ANXA11: variants seen among roughly 807,000 people sequenced by gnomAD.
ANXA11 encodes the protein annexin A11.
ANXA11 carries 57 observed loss-of-function variants against 64.7 expected under a neutral mutation model. That is an observed-to-expected ratio of 0.88 (90% CI 0.71 to 1.10). ANXA11 has a LOEUF of 1.10. ANXA11 is among the 50% of genes least tolerant of loss of function. The pLI is 0.00. For missense variants in ANXA11, 675 were observed against 670.7 expected (o/e 1.01, Z -0.07); for synonymous variants, 260 against 265.2 (o/e 0.98, Z 0.19).
At chr10:80,156,845 C>A (rs1422746998) in intron 15 of ANXA11, 2 of 272,610 alleles carry the variant, frequency 7.3e-6, no homozygotes, top group Non-Finnish European at 1.1e-5. Context: ...TTCATACAGC[C>A]AAGGAAACAC....
At chr10:80,199,095 CTTTTT>C (rs71482767) in intron 1 of ANXA11, among the ~76,000 whole-genome samples, 1 of 133,504 alleles carries the variant, frequency 7.5e-6, no homozygotes. Context: ...TCAAGATAAA[CTTTTT>C]TTTTTTTTTT....
At chr10:80,155,979 GAT>G in intron 15 of ANXA11, 67 bp from the exon 16 acceptor site, 1 of 1,515,822 alleles carries the variant, frequency 6.6e-7, no homozygotes, top group East Asian at 2.3e-5. Context: ...TCTGGGTCCT[GAT>G]ATTCAGCCCT....
chr10:80,186,781 A>G (rs1268399626), intron 1 of ANXA11, among the ~76,000 whole-genome samples: 1 of 152,182 alleles, frequency 6.6e-6, no homozygotes, highest in Non-Finnish European at 1.5e-5. Flanking sequence ...TTTCCATACA[A>G]CGCAGACCGA....
At chr10:80,171,432 C>A (rs1404506055) in intron 3 of ANXA11, among the ~76,000 whole-genome samples, 6 of 152,200 alleles carry the variant, frequency 3.9e-5, no homozygotes, top group Non-Finnish European at 8.8e-5. Flanking sequence ...ATGGTAAACA[C>A]AGATACCAGT....
rs746761934 is a variant in ANXA11 at position 80,159,199 on chromosome 10, T to A, written c.1181-4A>T. 2 of 1,612,596 alleles carry A rather than the reference T, an allele frequency of 1.2e-6. No individual in the cohort carries two copies. Among genetic ancestry groups the A allele is most frequent in the East Asian group, 4.5e-5 (2 of 44,862 alleles). ...ATTCTCTGGTACTCATTGAAAACTA[T>A]GGGGATGACAGAGGCTTATATTATG... On this transcript the variant is annotated splice_region_variant and splice_polypyrimidine_tract_variant and intron_variant, in intron 12 of 15. Coordinates refer to ENST00000422982, the MANE Select transcript of ANXA11 (RefSeq NM_145868.2).
At chr10:80,203,216 C>T (rs1003351255) in intron 1 of ANXA11, among the ~76,000 whole-genome samples, 2 of 152,048 alleles carry the variant, frequency 1.3e-5, no homozygotes, top group African/African-American at 4.8e-5. Flanking sequence ...CTACAATTTC[C>T]AAGAAGAACC....
chr10:80,166,974 C>A lies in ANXA11; in HGVS notation c.660G>T (p.Glu220Asp). The change falls in exon 7 of 16, where the codon GAG (glutamate) becomes GAT (aspartate). Residue 220 changes from glutamate (E) to aspartate (D), a missense_variant. Coordinates refer to ENST00000422982, the MANE Select transcript of ANXA11 (RefSeq NM_145868.2). ...RKAMKGFGTDEQAIIDCLGSR... is the reference protein window; with the variant it reads ...RKAMKGFGTDDQAIIDCLGSR... ...TCCCCAGGCAGTCAATGATGGCCTG[C>A]TCATCCGTCCCTGGAGGAAGAGGCA... The A allele has an allele frequency of 6.2e-7, 1 of 1,600,520 alleles. No individual in the cohort carries two copies. Among genetic ancestry groups the A allele is most frequent in the Non-Finnish European group, 8.5e-7 (1 of 1,174,302 alleles).
At chr10:80,181,305 A>T (rs1490397056) in intron 1 of ANXA11, 1 of 152,038 alleles carries the variant, frequency 6.6e-6, no homozygotes, top group Non-Finnish European at 1.5e-5. Context: ...AAATACAAAA[A>T]AATTAGCCGA....
intron 1 of ANXA11, among the ~76,000 whole-genome samples, chr10:80,178,652 C>T (rs1846254990): frequency 6.6e-6 from 1 of 152,250 alleles, no homozygotes; most frequent in Non-Finnish European, 1.5e-5. Flanking sequence ...TGTTAAAACA[C>T]AGATTGCTGG....
chr10:80,170,837 T>C lies in ANXA11; in HGVS notation c.134A>G (p.Tyr45Cys). Residue 45 changes from tyrosine (Y) to cysteine (C), a missense_variant, in exon 4 of 16, where the codon TAT (tyrosine) becomes TGT (cysteine). Physicochemically the swap from Tyr to Cys is radical, Grantham distance 194. Transcript: ENST00000422982. ...ATAGTCCTGGTTGAACTGCCCCGCA[T>C]AGGTGGCCACGTTATCCAGCCCGAT... Reference protein sequence around the residue: ...PPIGLDNVATYAGQFNQDYLS... With the variant: ...PPIGLDNVATCAGQFNQDYLS... The C allele has an allele frequency of 5.3e-6, 8 of 1,515,238 alleles. No homozygotes were observed. Among genetic ancestry groups the C allele is most frequent in the Non-Finnish European group, 6.2e-6 (7 of 1,135,618 alleles). 93.9% of individuals were successfully genotyped at this position (1,515,238 alleles called of 1,614,324 possible). A position where few individuals can be genotyped will look rare whatever the true frequency, so the allele number is the denominator to read the frequency against.
At chr10:80,173,586 C>T (rs1015290698) in intron 2 of ANXA11, among the ~76,000 whole-genome samples, 6 of 152,082 alleles carry the variant, frequency 3.9e-5, no homozygotes, top group African/African-American at 9.7e-5. Context: ...CCTGCTCTCA[C>T]GAAGTCCCTC....
chr10:80,192,852 T>C (rs1289510803), intron 1 of ANXA11, among the ~76,000 whole-genome samples: 6 of 152,214 alleles, frequency 3.9e-5, no homozygotes, highest in African/African-American at 7.2e-5. Context: ...ATAGAGATAT[T>C]TGCAGGCACA....
chr10:80,165,764 C>G (rs1053444013), intron 8 of ANXA11, among the ~76,000 whole-genome samples: 3 of 152,220 alleles, frequency 2.0e-5, no homozygotes, highest in Admixed American at 6.5e-5. Flanking sequence ...CCTCCTACCC[C>G]TCTTCTTACC....
chr10:80,184,574 C>A (rs59435802), intron 1 of ANXA11, among the ~76,000 whole-genome samples: 2 of 151,454 alleles, frequency 1.3e-5, no homozygotes, highest in East Asian at 3.9e-4. Context: ...ATAACTAATA[C>A]GAGAGAGAGA....
At chr10:80,179,075 C>T (rs1162862688) in intron 1 of ANXA11, among the ~76,000 whole-genome samples, 1 of 152,182 alleles carries the variant, frequency 6.6e-6, no homozygotes, top group Non-Finnish European at 1.5e-5. Context: ...TTGTAATTCC[C>T]AGCATTGGAG....
intron 1 of ANXA11, among the ~76,000 whole-genome samples, chr10:80,188,961 G>A (rs562496861): frequency 1.9e-4 from 29 of 152,104 alleles, no homozygotes; most frequent in African/African-American, 6.3e-4. Context: ...TGCTGGTAAG[G>A]GGAGGGGTAG....
chr10:80,169,417 AC>A (rs1406820278), intron 4 of ANXA11, 59 bp from the exon 5 acceptor site: 3 of 1,580,758 alleles, frequency 1.9e-6, no homozygotes, highest in Non-Finnish European at 1.7e-6. Flanking sequence ...CCGTCCCTCC[AC>A]CCTTTTTCAT....
intron 8 of ANXA11, among the ~76,000 whole-genome samples, chr10:80,165,808 T>G: frequency 6.6e-6 from 1 of 150,832 alleles, no homozygotes; most frequent in South Asian, 2.1e-4. Flanking sequence ...GAGCTCCCCC[T>G]TTTCTTTAAG....
rs1463177350 is a variant in ANXA11, at chr10:80,157,644, G to C, written c.1455C>G (p.Ile485Met). The C allele has an allele frequency of 6.2e-7, 1 of 1,613,316 alleles. No individual in the cohort carries two copies. The highest frequency in any genetic ancestry group is 8.5e-7 in the Non-Finnish European group (1 of 1,179,488). Residue 485 changes from isoleucine (I) to methionine (M), a missense_variant, in exon 15 of 16, where the codon ATC (isoleucine) becomes ATG (methionine). By Grantham distance (10) the Ile-to-Met change is conservative. Transcript: ENST00000422982. ...RMYGKSLYHD[I>M]SGDTSGDYRK... is the part of the protein sequence containing the mutation. ...TTGGCCTGCAGCAGGCCCGTACCGA[G>C]ATGTCGTGGTACAGCGACTTGCCGT...
Sources: allele counts gnomAD v4.1 joint callset (sites outside exome capture counted in the v4.1 genomes callset), GRCh38; gene constraint gnomAD v4.1.1; transcripts MANE v1.5; gene names NCBI Gene and HGNC (gene_info 2026-07-23, HGNC 2026-07-21).